The following NPTX2 variants were observed in gnomAD, a reference collection of about 807,000 sequenced individuals.
The protein encoded by NPTX2 is neuronal pentraxin 2, also known as neuronal pentraxin-2.
In NPTX2, 23 loss-of-function variants were observed where a neutral mutation model predicts 38.1. That is an observed-to-expected ratio of 0.60 (90% CI 0.43 to 0.85). NPTX2 has a LOEUF of 0.85. Among genes scored for constraint, NPTX2 ranks in the 40% least tolerant of loss-of-function variants. The pLI, the probability that NPTX2 is intolerant of heterozygous loss-of-function variation, is 0.00. For missense variants in NPTX2, 553 were observed against 615.3 expected, an observed-to-expected ratio of 0.90 and a Z score of 1.07; for synonymous variants, 291 against 287.3, an observed-to-expected ratio of 1.01 and a Z score of -0.13.
chr7:98,626,764 C>T (rs1008341345), intron 3 of NPTX2, among the ~76,000 whole-genome samples: 1 of 145,936 alleles, frequency 6.9e-6, no homozygotes, highest in Non-Finnish European at 1.5e-5. Context: ...GGGGCACACC[C>T]GCAGCACACA....
chr7:98,621,750 G>A (rs2115617812), intron 2 of NPTX2, among the ~76,000 whole-genome samples: 1 of 152,304 alleles, frequency 6.6e-6, no homozygotes, highest in South Asian at 2.1e-4. Flanking sequence ...TCCACACTTG[G>A]CATTCTGTAA....
chr7:98,627,106 C>G, intron 3 of NPTX2, 59 bp from the exon 4 acceptor site: 1 of 1,261,236 alleles, frequency 7.9e-7, no homozygotes, highest in Admixed American at 1.8e-5. Flanking sequence ...GCTTCCTGCC[C>G]TGGGGGACCC....
At chr7:98,628,033 C>A (rs4729460) in intron 4 of NPTX2, among the ~76,000 whole-genome samples, 1 of 152,048 alleles carries the variant, frequency 6.6e-6, no homozygotes, top group East Asian at 1.9e-4. Context: ...GACAGTGGGG[C>A]GTAGACTCCA....
chr7:98,627,159 T>C lies in NPTX2; in HGVS notation c.889-6T>C. 1 of 1,609,142 alleles carries C rather than the reference T, an allele frequency of 6.2e-7. No homozygotes were observed. Among genetic ancestry groups the C allele is most frequent in the Non-Finnish European group, 8.5e-7 (1 of 1,176,194 alleles). Reference sequence around the variant, plus strand: ...CAGGTCCTTACCTGCACATTGCTGCTCACAGGTTGCGCAGCTGCCCCTGTT... The same window carrying C: ...CAGGTCCTTACCTGCACATTGCTGCCCACAGGTTGCGCAGCTGCCCCTGTT... On this transcript the variant is annotated splice_region_variant and splice_polypyrimidine_tract_variant and intron_variant, in intron 3 of 4. Coordinates refer to ENST00000265634, the MANE Select transcript of NPTX2 (RefSeq NM_002523.3).
intron 2 of NPTX2, among the ~76,000 whole-genome samples, chr7:98,622,898 CAG>C (rs1791292171): frequency 6.6e-6 from 1 of 152,192 alleles, no homozygotes; most frequent in South Asian, 2.1e-4. Context: ...CTGCCTGTTC[CAG>C]AGAGGTTAGA....
At position 98,628,162 on chromosome 7, in the gene NPTX2, T is replaced by G. The variant is rs542146697; in HGVS notation, c.1069-240T>G. Among the ~76,000 whole-genome samples, 23 of 152,262 alleles carry G rather than the reference T, an allele frequency of 1.5e-4. No individual in the cohort carries two copies. In the Middle Eastern group the frequency reaches 0.01, roughly 68 times the overall value. Reference sequence around the variant, plus strand: ...TGAGACCTGGCTCTGATCCTGGCTTTGGGACTTTGAGCAGTGTCTTCCCTT... The same window carrying G: ...TGAGACCTGGCTCTGATCCTGGCTTGGGGACTTTGAGCAGTGTCTTCCCTT... On this transcript the variant is annotated intron_variant, in intron 4 of 4. Transcript: ENST00000265634.
In NPTX2 at chr7:98,629,490, A is replaced by G. The variant is rs1024788010; in HGVS notation, c.*861A>G. The G allele has an allele frequency of 2.6e-5, 4 of 151,416 alleles. No homozygotes were observed. The highest frequency in any genetic ancestry group is 7.3e-5 in the African/African-American group (3 of 41,020). The allele number at this position is 151,416 out of a possible 1,614,324, so 9.4% of individuals were successfully genotyped here. A position where few individuals can be genotyped will look rare whatever the true frequency, so the allele number is the denominator to read the frequency against. On this transcript the variant is annotated 3_prime_UTR_variant, in exon 5 of 5. Coordinates refer to ENST00000265634, the MANE Select transcript of NPTX2 (RefSeq NM_002523.3). ...GAACAGCCATTAGAAGAAGGCTCCC[A>G]TTTTCTGATGTTCCGCCCCACTGTG...
At chr7:98,625,245 C>T (rs1791330565) in intron 3 of NPTX2, 79 bp downstream of exon 3, 1 of 1,503,264 alleles carries the variant, frequency 6.7e-7, no homozygotes, top group Non-Finnish European at 8.9e-7. Context: ...CCCAGCCGTC[C>T]TCGCCCTCCT....
intron 3 of NPTX2, among the ~76,000 whole-genome samples, chr7:98,626,433 C>T (rs1396673394): frequency 1.3e-5 from 2 of 152,064 alleles, no homozygotes; most frequent in Admixed American, 6.6e-5. Context: ...CTGCTGGGCT[C>T]CTCCTAGATA....
At position 98,626,271 on chromosome 7, in the gene NPTX2, C is replaced by T. The variant is rs1048575184; in HGVS notation, c.889-894C>T. Reference sequence around the variant, plus strand: ...AAAAAGAACATTCTCAGAACCTGTCCGGATTTGGGCATTTGAGTGGCTACG... The same window carrying T: ...AAAAAGAACATTCTCAGAACCTGTCTGGATTTGGGCATTTGAGTGGCTACG... On this transcript the variant is annotated intron_variant, in intron 3 of 4. Coordinates refer to ENST00000265634, the MANE Select transcript of NPTX2 (RefSeq NM_002523.3). Among the ~76,000 whole-genome samples the T allele has an allele frequency of 2.0e-5, 3 of 152,142 alleles. 1 individual carries two copies. The highest frequency in any genetic ancestry group is 2.0e-4 in the Admixed American group (3 of 15,278).
chr7:98,625,281 A>T (rs1185816758), intron 3 of NPTX2, 115 bp downstream of exon 3: 3 of 1,209,206 alleles, frequency 2.5e-6, no homozygotes, highest in South Asian at 2.9e-5. Context: ...TGTCCCAGAC[A>T]TGGGACTGCG....
At chr7:98,621,392 A>G (rs1438049957) in intron 2 of NPTX2, among the ~76,000 whole-genome samples, 1 of 152,156 alleles carries the variant, frequency 6.6e-6, no homozygotes, top group African/African-American at 2.4e-5. Context: ...CACCCCAGAG[A>G]GGCAGCCCAG....
intron 1 of NPTX2, among the ~76,000 whole-genome samples, chr7:98,618,279 C>G (rs1791208635): frequency 6.6e-6 from 1 of 152,024 alleles, no homozygotes; most frequent in East Asian, 2.0e-4. Flanking sequence ...GGGATGCGCT[C>G]CCGCAGGCCG....
At chr7:98,626,682 C>A (rs369890415) in intron 3 of NPTX2, among the ~76,000 whole-genome samples, 7 of 152,332 alleles carry the variant, frequency 4.6e-5, no homozygotes, top group African/African-American at 1.2e-4. Flanking sequence ...GTCCTCCCCC[C>A]AGTTCCTCAC....
chr7:98,624,104 G>C (rs1354694845), intron 2 of NPTX2, among the ~76,000 whole-genome samples: 1 of 152,120 alleles, frequency 6.6e-6, no homozygotes, highest in Non-Finnish European at 1.5e-5. Context: ...CCACAGGTGT[G>C]TGCCACCCTA....
In NPTX2 at chr7:98,623,149, G is replaced by A. The variant is rs149546536; in HGVS notation, c.644-1773G>A. On this transcript the variant is annotated intron_variant, in intron 2 of 4. Coordinates refer to ENST00000265634, the MANE Select transcript of NPTX2 (RefSeq NM_002523.3). Reference sequence around the variant, plus strand: ...GAGCCCGCCTGTCTCTGATGGCCTCGGAGACTGTCTGAGCCCTTGTGGATG... The same window carrying A: ...GAGCCCGCCTGTCTCTGATGGCCTCAGAGACTGTCTGAGCCCTTGTGGATG... Among the ~76,000 whole-genome samples, 1,105 of 152,252 alleles carry A rather than the reference G, an allele frequency of 7.3e-3. 16 individuals are homozygous for A. Among genetic ancestry groups the A allele is most frequent in the African/African-American group, 0.025 (1,049 of 41,524 alleles).
intron 4 of NPTX2, among the ~76,000 whole-genome samples, 173 bp downstream of exon 4, chr7:98,627,517 T>C (rs772718985): frequency 6.6e-6 from 1 of 152,200 alleles, no homozygotes; most frequent in Non-Finnish European, 1.5e-5. Context: ...CTGGCCACAG[T>C]GTCCTGACAG....
At chr7:98,620,042 A>G (rs1458737555) in intron 2 of NPTX2, 183 bp downstream of exon 2, 2 of 622,560 alleles carry the variant, frequency 3.2e-6, no homozygotes, top group African/African-American at 3.7e-5. Context: ...TGCCAGCCCC[A>G]CTGGCATTAT....
At position 98,625,127 on chromosome 7, in the gene NPTX2, G is replaced by C. The variant is rs1397408149; in HGVS notation, c.849G>C (p.Glu283Asp). ...AGGCCAACGAGATCGTGCTGATCGA[G>C]TGGGGCAACAACCCCATCGAGCTGC... ...PGQANEIVLI[E>D]WGNNPIELLI... The change falls in exon 3 of 5, where the codon GAG (glutamate) becomes GAC (aspartate). Residue 283 changes from glutamate to aspartate, a missense_variant. Transcript: ENST00000265634. 3 of 1,607,768 alleles carry C rather than the reference G, an allele frequency of 1.9e-6. No homozygotes were observed. Among genetic ancestry groups the C allele is most frequent in the Non-Finnish European group, 2.6e-6 (3 of 1,176,400 alleles).
Sources: gnomAD v4.1 joint callset for allele counts (sites outside exome capture counted in the v4.1 genomes callset) on GRCh38, gnomAD v4.1.1 for gene constraint, MANE v1.5 for transcripts, NCBI Gene and HGNC (gene_info 2026-07-23, HGNC 2026-07-21) for gene names.